Variants in PDE6A observed in about 807,000 individuals in gnomAD.
PDE6A encodes the protein rod cGMP-specific 3',5'-cyclic phosphodiesterase subunit alpha.
Under a neutral mutation model 106.3 loss-of-function variants are expected in PDE6A, and 84 were observed. That is an observed-to-expected ratio of 0.79 (90% CI 0.66 to 0.95). The LOEUF (loss-of-function observed/expected upper bound fraction) is 0.95. Ranked by LOEUF, PDE6A falls within the 40% of genes least tolerant of loss-of-function variation. The probability of loss-of-function intolerance (pLI) is 0.00; values close to 1 mark genes in which losing one functional copy is unlikely to be tolerated. For synonymous variants in PDE6A, 394 were observed against 386.6 expected, an observed-to-expected ratio of 1.02 and a Z score of -0.23; for missense variants, 1,052 against 1,084.9, an observed-to-expected ratio of 0.97 and a Z score of 0.43.
At chr5:149,930,551 T>C (rs1408964194) in intron 4 of PDE6A, among the ~76,000 whole-genome samples, 1 of 152,232 alleles carries the variant, frequency 6.6e-6, no homozygotes, top group African/African-American at 2.4e-5. Context: ...TTAGCTGCTG[T>C]ATCTGCCACA....
chr5:149,925,895 T>G (rs955412756), intron 4 of PDE6A, among the ~76,000 whole-genome samples: 1 of 152,114 alleles, frequency 6.6e-6, no homozygotes, highest in Non-Finnish European at 1.5e-5. Flanking sequence ...ATCATGATAT[T>G]TTATAAACAT....
chr5:149,920,974 GA>G (rs1199915837), intron 5 of PDE6A, among the ~76,000 whole-genome samples: 1 of 131,050 alleles, frequency 7.6e-6, no homozygotes, highest in African/African-American at 4.0e-5. Context: ...AAGAAAGAAA[GA>G]AAGAAAGAAA....
At chr5:149,931,392 A>C (rs766965685) in intron 3 of PDE6A, among the ~76,000 whole-genome samples, 1 of 152,018 alleles carries the variant, frequency 6.6e-6, no homozygotes, top group Non-Finnish European at 1.5e-5. Flanking sequence ...TATTAAATAC[A>C]CTACATTTGT....
chr5:149,944,548 A>C lies in PDE6A; in HGVS notation c.126T>G (p.Ala42=). Residue 42 remains alanine (A), a synonymous_variant, in exon 1 of 22, where the codon GCT becomes GCG. Coordinates refer to ENST00000255266, the MANE Select transcript of PDE6A (RefSeq NM_000440.3). Reference sequence around the variant, plus strand: ...AGTGGTAGTTGCTGAAGTCCACGGCAGCCTCCTTGGCCCCAAGGAGGTCGG... The same window carrying C: ...AGTGGTAGTTGCTGAAGTCCACGGCCGCCTCCTTGGCCCCAAGGAGGTCGG... The part of the protein sequence containing the change: ...LISDLLGAKE[A]AVDFSNYHSP... 2 of 1,614,044 alleles carry C rather than the reference A, an allele frequency of 1.2e-6. No homozygotes were observed. Among genetic ancestry groups the C allele is most frequent in the Non-Finnish European group, 1.7e-6 (2 of 1,179,996 alleles).
At chr5:149,868,219 A>T in intron 17 of PDE6A, 61 bp from the exon 18 acceptor site, 2 of 1,499,614 alleles carry the variant, frequency 1.3e-6, no homozygotes, top group Non-Finnish European at 1.9e-6. Context: ...GTACTGGTTA[A>T]TTCCATCTCT....
intron 5 of PDE6A, among the ~76,000 whole-genome samples, chr5:149,917,967 C>T (rs752185368): frequency 3.3e-5 from 5 of 152,136 alleles, no homozygotes; most frequent in East Asian, 3.9e-4. Context: ...TTTCTATTAA[C>T]CCCTGGTCAA....
intron 17 of PDE6A, among the ~76,000 whole-genome samples, chr5:149,875,222 G>A (rs1014488191): frequency 2.1e-4 from 32 of 152,138 alleles, no homozygotes; most frequent in African/African-American, 2.4e-4. Flanking sequence ...CAGCTGGGGA[G>A]GGGTGGGGGT....
At position 149,860,958 on chromosome 5, in the gene PDE6A, A is replaced by G. The variant is rs1291532781; in HGVS notation, c.2520T>C (p.Asn840=). Residue 840 remains asparagine (N), a synonymous_variant, in exon 22 of 22, where the codon AAT becomes AAC. Transcript: ENST00000255266. ...QQSAKSAAAG[N]QPGGNPSPGG... is the part of the protein sequence containing the mutation. ...CTGGGCTGGGGTTTCCCCCCGGCTG[A>G]TTTCCTGCGGCTGCTGCAATGAAAC... 1 of 1,614,130 alleles carries G rather than the reference A, an allele frequency of 6.2e-7. No individual in the cohort carries two copies. The highest frequency in any genetic ancestry group is 8.5e-7 in the Non-Finnish European group (1 of 1,180,000).
chr5:149,867,276 G>A, intron 19 of PDE6A: 1 of 223,580 alleles, frequency 4.5e-6, no homozygotes, highest in Non-Finnish European at 9.0e-6. Context: ...TCTCAGCCAA[G>A]TTAACTTTCA....
intron 6 of PDE6A, among the ~76,000 whole-genome samples, chr5:149,914,365 T>C (rs372849396): frequency 6.6e-6 from 1 of 152,090 alleles, no homozygotes; most frequent in East Asian, 1.9e-4. Context: ...GGAATGAGTA[T>C]CTTTTGGAAG....
At chr5:149,898,270 G>T in intron 10 of PDE6A, 93 bp downstream of exon 10, 1 of 1,106,732 alleles carries the variant, frequency 9.0e-7, no homozygotes, top group Non-Finnish European at 1.4e-6. Context: ...CCCAGGCTGT[G>T]CCCTCATGGA....
At chr5:149,898,726 T>G (rs1227380274) in intron 9 of PDE6A, among the ~76,000 whole-genome samples, 1 of 152,236 alleles carries the variant, frequency 6.6e-6, no homozygotes, top group Non-Finnish European at 1.5e-5. Context: ...AGTACCATTC[T>G]TATGTGTAAT....
intron 1 of PDE6A, chr5:149,940,042 G>A (rs1232742327): frequency 6.6e-6 from 1 of 151,192 alleles, no homozygotes; most frequent in East Asian, 1.9e-4. Flanking sequence ...TAGGCTAGTC[G>A]AGTGAAGCAG....
At chr5:149,907,418 G>C (rs1179344976) in intron 6 of PDE6A, 40 bp from the exon 7 acceptor site, 1 of 1,538,626 alleles carries the variant, frequency 6.5e-7, no homozygotes, top group Non-Finnish European at 9.0e-7. Flanking sequence ...CTCAGTGCAG[G>C]GATTGCTGGA....
At chr5:149,890,828 T>C (rs536726316) in intron 13 of PDE6A, among the ~76,000 whole-genome samples, 141 of 152,264 alleles carry the variant, frequency 9.3e-4, no homozygotes, top group African/African-American at 3.3e-3. Flanking sequence ...AAAAAATAAT[T>C]GAAAATTAAA....
intron 17 of PDE6A, among the ~76,000 whole-genome samples, chr5:149,869,904 C>T (rs1268741796): frequency 1.3e-5 from 2 of 152,124 alleles, no homozygotes; most frequent in African/African-American, 4.8e-5. Context: ...GATAATTTTA[C>T]AATTAATCAG....
chr5:149,877,944 G>A (rs867703244), intron 17 of PDE6A, among the ~76,000 whole-genome samples: 1 of 152,132 alleles, frequency 6.6e-6, no homozygotes, highest in Admixed American at 6.5e-5. Flanking sequence ...ATACTAGGGG[G>A]TCCTGGAGCC....
rs1326414476 is a variant in PDE6A, at chr5:149,883,521, G to C, written c.2043C>G (p.Phe681Leu). The C allele has an allele frequency of 1.9e-6, 3 of 1,611,812 alleles. 1 individual carries two copies. Among genetic ancestry groups the C allele is most frequent in the East Asian group, 2.2e-5 (1 of 44,860 alleles). ...LALYFKKRTMFQKIVDQSKTY... is the reference protein window; with the variant it reads ...LALYFKKRTMLQKIVDQSKTY... ...TCTTAGACTGATCCACGATCTTTTG[G>C]AACATCGTCCTCTTCCTACAAAACA... The change falls in exon 17 of 22, where the codon TTC becomes TTG. Residue 681 changes from phenylalanine (F) to leucine (L), a missense_variant. Around this residue, in one of 3 missense-constraint regions of PDE6A, gnomAD observed 913 missense variants for 915.2 expected, o/e 1.00. Coordinates refer to ENST00000255266, the MANE Select transcript of PDE6A (RefSeq NM_000440.3).
chr5:149,920,551 G>A (rs1041162118), intron 5 of PDE6A, among the ~76,000 whole-genome samples: 5 of 152,162 alleles, frequency 3.3e-5, no homozygotes, highest in Admixed American at 6.5e-5. Context: ...TTGCACTCCA[G>A]CCTGGGTGAC....
Sources: allele counts gnomAD v4.1 joint callset (sites outside exome capture counted in the v4.1 genomes callset), GRCh38; gene constraint gnomAD v4.1.1; regional missense constraint gnomAD v4.1.1; transcripts MANE v1.5; gene names NCBI Gene and HGNC (gene_info 2026-07-23, HGNC 2026-07-21).